Variants in COBL observed in about 807,000 individuals in gnomAD.
COBL encodes cordon-bleu WH2 repeat protein, also known as protein cordon-bleu.
In COBL, 51 loss-of-function variants were observed where a neutral mutation model predicts 98.8. That is an observed-to-expected ratio of 0.52 (90% CI 0.41 to 0.65). The LOEUF (loss-of-function observed/expected upper bound fraction) is 0.65. COBL is among the 30% of genes least tolerant of loss of function. The pLI, the probability that COBL is intolerant of heterozygous loss-of-function variation, is 0.00. For synonymous variants in COBL, 634 were observed against 651.7 expected, an observed-to-expected ratio of 0.97 and a Z score of 0.41; for missense variants, 1,617 against 1,617.5, an observed-to-expected ratio of 1.00 and a Z score of 0.01.
chr7:51,184,044 T>G, intron 5 of COBL, 58 bp downstream of exon 5: 1 of 881,048 alleles, frequency 1.1e-6, no homozygotes. Context: ...AATGCATGTA[T>G]TTCAAGAGAC....
At chr7:51,211,703 T>C (rs186303551) in intron 2 of COBL, among the ~76,000 whole-genome samples, 11 of 152,248 alleles carry the variant, frequency 7.2e-5, no homozygotes, top group Non-Finnish European at 1.3e-4. Flanking sequence ...TCTCCAATTG[T>C]ACAAAGAATA....
intron 4 of COBL, among the ~76,000 whole-genome samples, chr7:51,189,435 A>G (rs1351235233): frequency 6.6e-6 from 1 of 152,194 alleles, no homozygotes; most frequent in Admixed American, 6.5e-5. Context: ...GGAGTTCGAG[A>G]CCAGCCTGGC....
rs184331655 is a variant in COBL at position 51,041,015 on chromosome 7, A to C, written c.1406+2368T>G. On this transcript the variant is annotated intron_variant, in intron 8 of 12. Coordinates refer to ENST00000265136, the MANE Select transcript of COBL (RefSeq NM_015198.5). The stretch of plus-strand genomic sequence containing the variant: ...GCAATCCCCATGCAAACTGCAGAAC[A>C]GACGTGGAGATTACAGTAGAAAGTG... Among the ~76,000 whole-genome samples the C allele has an allele frequency of 7.9e-5, 12 of 152,386 alleles. No homozygotes were observed. In the East Asian group the frequency reaches 2.1e-3, roughly 27 times the overall value.
At chr7:51,274,077 C>A (rs112816177) in intron 1 of COBL, among the ~76,000 whole-genome samples, 4 of 152,262 alleles carry the variant, frequency 2.6e-5, no homozygotes, top group African/African-American at 9.6e-5. Context: ...GCTCACAGTT[C>A]CCCCCAGTCC....
At chr7:51,186,042 G>A (rs992872626) in intron 4 of COBL, among the ~76,000 whole-genome samples, 1 of 152,264 alleles carries the variant, frequency 6.6e-6, no homozygotes, top group East Asian at 1.9e-4. Flanking sequence ...GCAACATGGT[G>A]CAGCAGCACC....
intron 1 of COBL, among the ~76,000 whole-genome samples, chr7:51,257,836 G>C (rs186923879): frequency 2.0e-3 from 307 of 152,050 alleles, no homozygotes; most frequent in African/African-American, 7.2e-3. Flanking sequence ...ATTAACAAAA[G>C]CACTAAAAGT....
rs555888723 is a variant in COBL at position 51,189,277 on chromosome 7, G to A, written c.685+1573C>T. Among the ~76,000 whole-genome samples the A allele has an allele frequency of 4.5e-4, 69 of 152,246 alleles. No individual in the cohort carries two copies. In the Middle Eastern group the frequency reaches 0.01, roughly 23 times the overall value. On this transcript the variant is annotated intron_variant, in intron 4 of 12. Transcript: ENST00000265136. The stretch of plus-strand genomic sequence containing the variant: ...CCAGGAAGACAAGGGCGGACTTGGC[G>A]GGGAGAGGAAGGCTGGACAGAGATT...
intron 1 of COBL, among the ~76,000 whole-genome samples, chr7:51,310,200 T>G (rs1045012769): frequency 2.0e-5 from 3 of 152,236 alleles, no homozygotes; most frequent in African/African-American, 4.8e-5. Context: ...CAGAAGCACC[T>G]GTGTCTGGCA....
chr7:51,226,093 C>T (rs1794152778), intron 1 of COBL, among the ~76,000 whole-genome samples: 1 of 152,224 alleles, frequency 6.6e-6, no homozygotes, highest in African/African-American at 2.4e-5. Flanking sequence ...CAATTTCTTA[C>T]TGTCCAAGAA....
At chr7:51,181,904 G>A (rs1789004352) in intron 5 of COBL, among the ~76,000 whole-genome samples, 2 of 152,152 alleles carry the variant, frequency 1.3e-5, no homozygotes, top group South Asian at 2.1e-4. Flanking sequence ...CACTGACTGC[G>A]CCTTCACTGC....
chr7:51,200,192 G>C (rs973774372), intron 2 of COBL, among the ~76,000 whole-genome samples: 4 of 152,168 alleles, frequency 2.6e-5, no homozygotes, highest in Admixed American at 1.3e-4. Context: ...GGATGAAGGA[G>C]AGATAAGTCT....
chr7:51,099,091 CAAA>C (rs542571317), intron 6 of COBL, among the ~76,000 whole-genome samples: 6 of 95,480 alleles, frequency 6.3e-5, no homozygotes, highest in Non-Finnish European at 8.8e-5. Context: ...TGGCCACTAT[CAAA>C]AAAAAAAAAA....
chr7:51,188,905 T>C (rs1394005473), intron 4 of COBL, among the ~76,000 whole-genome samples: 2 of 152,212 alleles, frequency 1.3e-5, no homozygotes, highest in Admixed American at 6.5e-5. Context: ...TACATCCAAG[T>C]GGTAGCATGT....
chr7:51,269,196 CAGGGAAGG>C (rs1386834617), intron 1 of COBL, among the ~76,000 whole-genome samples: 1 of 152,142 alleles, frequency 6.6e-6, no homozygotes, highest in Admixed American at 6.5e-5. Flanking sequence ...ATCAAAACTG[CAGGGAAGG>C]AAGGACGGGT....
At chr7:51,183,393 A>G (rs1789179674) in intron 5 of COBL, among the ~76,000 whole-genome samples, 1 of 152,226 alleles carries the variant, frequency 6.6e-6, no homozygotes, top group South Asian at 2.1e-4. Context: ...GCAAATATAA[A>G]TACGGATAAT....
chr7:51,196,757 AGTGT>A (rs1301227695), intron 2 of COBL, among the ~76,000 whole-genome samples: 3 of 149,698 alleles, frequency 2.0e-5, no homozygotes, highest in Non-Finnish European at 4.4e-5. Context: ...GTCTTGGGAG[AGTGT>A]GTGTGTGTCC....
intron 5 of COBL, among the ~76,000 whole-genome samples, chr7:51,159,577 G>A (rs1327110535): frequency 1.3e-5 from 2 of 152,156 alleles, no homozygotes; most frequent in Non-Finnish European, 2.9e-5. Context: ...CATAGACAGT[G>A]GAAATAATAG....
At chr7:51,111,315 A>G (rs1477485466) in intron 6 of COBL, among the ~76,000 whole-genome samples, 2 of 152,056 alleles carry the variant, frequency 1.3e-5, no homozygotes, top group African/African-American at 4.8e-5. Context: ...CCCTTTCTCC[A>G]TATCCTTGCC....
In COBL at chr7:51,027,780, C is replaced by G. The variant is rs1260514822; in HGVS notation, c.3316G>C (p.Asp1106His). The G allele has an allele frequency of 1.9e-6, 3 of 1,614,118 alleles. No individual in the cohort carries two copies. Among genetic ancestry groups the G allele is most frequent in the Non-Finnish European group, 2.5e-6 (3 of 1,180,046 alleles). Residue 1106 changes from aspartate (D) to histidine (H), a missense_variant, in exon 10 of 13, where the codon GAC (aspartate) becomes CAC (histidine). Coordinates refer to ENST00000265136, the MANE Select transcript of COBL (RefSeq NM_015198.5). ...KPVVQRPVPK[D>H]TSLHSALMEA... Reference sequence around the variant, plus strand: ...ATCAGGGCAGAGTGCAGGGATGTGTCTTTTGGGACTGGTCTCTGGACAACA... The same window carrying G: ...ATCAGGGCAGAGTGCAGGGATGTGTGTTTTGGGACTGGTCTCTGGACAACA...
Sources: gnomAD v4.1 joint callset for allele counts (sites outside exome capture counted in the v4.1 genomes callset) on GRCh38, gnomAD v4.1.1 for gene constraint, MANE v1.5 for transcripts, NCBI Gene and HGNC (gene_info 2026-07-23, HGNC 2026-07-21) for gene names.